The following UNC13C variants were observed in gnomAD, a reference collection of about 807,000 sequenced individuals.
The protein encoded by UNC13C is protein unc-13 homolog C.
Under a neutral mutation model 245.4 loss-of-function variants are expected in UNC13C, and 174 were observed. The ratio of observed to expected loss-of-function variants is 0.71; its 90% confidence interval spans 0.63 to 0.80. The LOEUF (loss-of-function observed/expected upper bound fraction) is 0.80. UNC13C is among the 30% of genes least tolerant of loss of function. The pLI, the probability that UNC13C is intolerant of heterozygous loss-of-function variation, is 0.00. For missense variants in UNC13C, 2,829 were observed against 2,602.9 expected (o/e 1.09, Z -1.89); for synonymous variants, 992 against 895.1 (o/e 1.11, Z -1.93).
At chr15:54,587,881 T>C (rs775041413) in intron 30 of UNC13C, among the ~76,000 whole-genome samples, 11 of 152,234 alleles carry the variant, frequency 7.2e-5, no homozygotes, top group Non-Finnish European at 8.8e-5. Context: ...TTAAGTTAGA[T>C]ACATTTTAAT....
chr15:53,963,379 A>G, the UNC13C span, among the ~76,000 whole-genome samples: 2 of 152,214 alleles, frequency 1.3e-5, no homozygotes, highest in Admixed American at 1.3e-4. Context: ...TTTGAAATAA[A>G]TCAAGCCTGC....
the UNC13C span, among the ~76,000 whole-genome samples, chr15:53,951,864 T>G: frequency 6.6e-6 from 1 of 152,166 alleles, no homozygotes; most frequent in African/African-American, 2.4e-5. Context: ...TATTGAAAAT[T>G]CAAGTGATTC....
intron 4 of UNC13C, among the ~76,000 whole-genome samples, chr15:54,153,176 G>C (rs1466497080): frequency 6.6e-6 from 1 of 152,064 alleles, no homozygotes; most frequent in South Asian, 2.1e-4. Flanking sequence ...CATATTTTCA[G>C]ATATGACAAA....
intron 19 of UNC13C, among the ~76,000 whole-genome samples, chr15:54,431,764 A>G (rs2040878244): frequency 6.6e-6 from 1 of 151,716 alleles, no homozygotes; most frequent in Admixed American, 6.6e-5. Flanking sequence ...CTCTGTAGCT[A>G]TAATACTTGG....
intron 19 of UNC13C, among the ~76,000 whole-genome samples, chr15:54,475,553 C>G (rs1249867194): frequency 6.6e-6 from 1 of 151,382 alleles, no homozygotes; most frequent in Non-Finnish European, 1.5e-5. Flanking sequence ...TGAGAACATG[C>G]AGTGTTTGGT....
chr15:54,246,413 G>GTT (rs11383240), intron 7 of UNC13C, among the ~76,000 whole-genome samples: 4,947 of 144,768 alleles, frequency 0.034, 198 homozygotes, highest in African/African-American at 0.098. Flanking sequence ...TGAAAATAAT[G>GTT]TTTTTTTTTT....
intron 27 of UNC13C, among the ~76,000 whole-genome samples, chr15:54,549,185 G>A (rs890492750): frequency 6.6e-6 from 1 of 152,170 alleles, no homozygotes; most frequent in East Asian, 1.9e-4. Flanking sequence ...CTGGCTGAGG[G>A]AGGGGTTAAG....
At chr15:54,311,856 T>C (rs2037881754) in intron 13 of UNC13C, among the ~76,000 whole-genome samples, 1 of 151,812 alleles carries the variant, frequency 6.6e-6, no homozygotes. Flanking sequence ...TGATGTACTT[T>C]AAAGTTTATG....
At chr15:54,152,548 C>A (rs1042379955) in intron 4 of UNC13C, among the ~76,000 whole-genome samples, 1 of 152,070 alleles carries the variant, frequency 6.6e-6, no homozygotes. Context: ...TAATGCCTTC[C>A]AGATATTCTT....
chr15:54,476,679 G>T (rs1408341168), intron 19 of UNC13C, among the ~76,000 whole-genome samples: 2 of 151,124 alleles, frequency 1.3e-5, no homozygotes, highest in African/African-American at 2.4e-5. Context: ...TCTCTGTTTT[G>T]GTACCAGTAC....
At position 54,624,722 on chromosome 15, in the gene UNC13C, A is replaced by C. The variant is rs546529405; in HGVS notation, c.6359+768A>C. 2.4e-4 allele frequency among the ~76,000 whole-genome samples: 36 copies of C among 152,280 alleles called. No individual in the cohort carries two copies. The East Asian group carries it at 3.3e-3, about 14-fold the overall frequency. ...TGACTAACCGGATCCTAGTAGGGAG[A>C]TAGATGGAGAAGATTCTGTATCATG... On this transcript the variant is annotated intron_variant, in intron 32 of 32. Coordinates refer to ENST00000260323, the MANE Select transcript of UNC13C (RefSeq NM_001080534.3).
intron 26 of UNC13C, among the ~76,000 whole-genome samples, chr15:54,538,486 C>T (rs1388206300): frequency 6.6e-6 from 1 of 152,024 alleles, no homozygotes; most frequent in African/African-American, 2.4e-5. Context: ...CCAGCAATTC[C>T]ATTACTGGGC....
chr15:53,959,249 C>T, the UNC13C span, among the ~76,000 whole-genome samples: 1 of 151,950 alleles, frequency 6.6e-6, no homozygotes, highest in African/African-American at 2.4e-5. Context: ...CTGCAATAAA[C>T]ATGGGAATGT....
chr15:53,885,225 C>G, the UNC13C span, among the ~76,000 whole-genome samples: 1 of 152,186 alleles, frequency 6.6e-6, no homozygotes, highest in African/African-American at 2.4e-5. Context: ...ACTTCTCCTG[C>G]CTTTCTGTTT....
chr15:54,058,423 A>G (rs913452152), intron 2 of UNC13C, among the ~76,000 whole-genome samples: 4 of 152,208 alleles, frequency 2.6e-5, no homozygotes, highest in Non-Finnish European at 4.4e-5. Flanking sequence ...AAGAAATTGA[A>G]TTTCTGAATA....
intron 2 of UNC13C, among the ~76,000 whole-genome samples, chr15:54,047,223 C>A (rs1897076806): frequency 6.6e-6 from 1 of 151,962 alleles, no homozygotes; most frequent in African/African-American, 2.4e-5. Context: ...AGCCTTCTTA[C>A]CCATTTTAGG....
chr15:54,293,343 G>A (rs935312864), intron 10 of UNC13C, among the ~76,000 whole-genome samples: 6 of 151,972 alleles, frequency 3.9e-5, no homozygotes, highest in East Asian at 3.9e-4. Flanking sequence ...GGAAATTAAC[G>A]ATGGACTAGA....
chr15:54,474,837 C>T (rs1008892459), intron 19 of UNC13C, among the ~76,000 whole-genome samples: 1 of 151,764 alleles, frequency 6.6e-6, no homozygotes, highest in Non-Finnish European at 1.5e-5. Flanking sequence ...GAAGCTTCCA[C>T]CCATACCAGA....
chr15:54,487,549 T>C lies in UNC13C; in HGVS notation c.4934-7059T>C, dbSNP rs1336990827. On this transcript the variant is annotated intron_variant, in intron 19 of 32. Coordinates refer to ENST00000260323, the MANE Select transcript of UNC13C (RefSeq NM_001080534.3). ...TGGGAGGCTAAGGCGAGTGGATTAC[T>C]TGAGGTCAGGAGTTTGGGACCAGCC... 2.0e-5 allele frequency among the ~76,000 whole-genome samples: 3 copies of C among 152,032 alleles called. No homozygotes were observed. The East Asian group carries it at 5.8e-4, about 29-fold the overall frequency.
Sources: gnomAD v4.1 joint callset for allele counts (sites outside exome capture counted in the v4.1 genomes callset) on GRCh38, gnomAD v4.1.1 for gene constraint, MANE v1.5 for transcripts, NCBI Gene and HGNC (gene_info 2026-07-23, HGNC 2026-07-21) for gene names.